ZC3H11A: variants seen among roughly 807,000 people sequenced by gnomAD.
ZC3H11A encodes zinc finger CCCH domain-containing protein 11A.
A neutral mutation model predicts 90.8 loss-of-function variants in ZC3H11A; 22 were observed. That is an observed-to-expected ratio of 0.24 (90% confidence interval 0.17 to 0.35). ZC3H11A has a LOEUF of 0.35. ZC3H11A is among the 10% of genes least tolerant of loss of function. The pLI is 1.00. For missense variants in ZC3H11A, 701 were observed against 964.9 expected, an observed-to-expected ratio of 0.73 and a Z score of 3.62; for synonymous variants, 294 against 339.8, an observed-to-expected ratio of 0.87 and a Z score of 1.48.
chr1:203,796,000 G>GCTCCCGCTCACTTTTCCCATC (rs1668317838), intron 1 of ZC3H11A: 1 of 152,310 alleles, frequency 6.6e-6, no homozygotes, highest in African/African-American at 2.5e-5. Flanking sequence ...GGAGCCCCAG[G>GCTCCCGCTCACTTTTCCCATC]CTCCCGCTCA....
intron 1 of ZC3H11A, chr1:203,799,390 G>A (rs1313429158): frequency 2.8e-6 from 2 of 703,112 alleles, no homozygotes; most frequent in Non-Finnish European, 5.2e-6. Context: ...GTCAAGGCCC[G>A]TCAGATACTG....
intron 12 of ZC3H11A, among the ~76,000 whole-genome samples, chr1:203,842,044 C>T (rs1163940468): frequency 2.0e-5 from 3 of 150,466 alleles, no homozygotes; most frequent in Non-Finnish European, 4.4e-5. Context: ...AGACGATGGG[C>T]GGCCGGGCAG....
At chr1:203,803,257 T>A (rs1671076223) in intron 2 of ZC3H11A, among the ~76,000 whole-genome samples, 1 of 152,146 alleles carries the variant, frequency 6.6e-6, no homozygotes, top group African/African-American at 2.4e-5. Context: ...AATGGTGCCA[T>A]CTTGGCTCAC....
At chr1:203,852,083 T>G in intron 17 of ZC3H11A, 58 bp from the exon 18 acceptor site, 1 of 1,606,048 alleles carries the variant, frequency 6.2e-7, no homozygotes, top group South Asian at 1.1e-5. Flanking sequence ...TGAGACTAGG[T>G]GATTCAGCCA....
intron 1 of ZC3H11A, chr1:203,797,981 CTG>C: frequency 1.3e-6 from 2 of 1,535,216 alleles, no homozygotes; most frequent in South Asian, 1.2e-5. Flanking sequence ...TTTGTAACCT[CTG>C]TGAGAAAAGC....
chr1:203,847,259 G>T lies in ZC3H11A; in HGVS notation c.1118G>T (p.Arg373Leu). 6.2e-7 allele frequency: 1 copy of T among 1,613,858 alleles called. No individual in the cohort carries two copies. Among genetic ancestry groups the T allele is most frequent in the Non-Finnish European group, 8.5e-7 (1 of 1,179,824 alleles). The change falls in exon 13 of 18, where the codon CGT (arginine) becomes CTT (leucine). Residue 373 changes from arginine to leucine, a missense_variant. By Grantham distance (102) the Arg-to-Leu change is moderately radical. Around this residue, in one of 4 missense-constraint regions of ZC3H11A, gnomAD observed 530 missense variants for 696.2 expected, o/e 0.76. Coordinates refer to ENST00000367210, the MANE Select transcript of ZC3H11A (RefSeq NM_001376342.1). Reference sequence around the variant, plus strand: ...CTTCTTGAAAGAGCCAGTCAGAAACGTGGAGAATTGCAAACTAAACTCAAG... The same window carrying T: ...CTTCTTGAAAGAGCCAGTCAGAAACTTGGAGAATTGCAAACTAAACTCAAG... Reference protein sequence around the residue: ...EILLERASQKRGELQTKLKTE... With the variant: ...EILLERASQKLGELQTKLKTE...
chr1:203,818,524 G>A (rs1285882469), intron 3 of ZC3H11A, 46 bp from the exon 4 acceptor site: 1 of 1,611,794 alleles, frequency 6.2e-7, no homozygotes, highest in Admixed American at 1.7e-5. Context: ...TTTTACCTAG[G>A]ATGTATTTCA....
In ZC3H11A at chr1:203,840,296, C is replaced by G. The variant is rs1014276901; in HGVS notation, c.974-10C>G. On this transcript the variant is annotated splice_polypyrimidine_tract_variant and intron_variant, in intron 11 of 17. Transcript: ENST00000367210. ...CAACTTTTGATTTTTGAAAATCTTT[C>G]TTTTCACAGCTCAAGTTTCCAAGTC... The G allele has an allele frequency of 3.7e-6, 6 of 1,611,414 alleles. 1 individual carries two copies. The highest frequency in any genetic ancestry group is 2.5e-6 in the Non-Finnish European group (3 of 1,178,730).
intron 2 of ZC3H11A, among the ~76,000 whole-genome samples, chr1:203,808,362 T>A (rs71643053): frequency 1.3e-5 from 2 of 152,346 alleles, no homozygotes; most frequent in South Asian, 4.1e-4. Flanking sequence ...CCTGAAAGTT[T>A]GTATGATTTT....
chr1:203,832,847 A>G (rs1257681247), intron 9 of ZC3H11A, among the ~76,000 whole-genome samples: 2 of 152,254 alleles, frequency 1.3e-5, no homozygotes. Flanking sequence ...TTCATTCAAC[A>G]TATCAAAGTG....
Position 203,829,839 on chromosome 1 carries a change from G to A in ZC3H11A, c.562G>A (p.Val188Ile). Residue 188 changes from valine to isoleucine, a missense_variant, in exon 7 of 18, where the codon GTT becomes ATT. Physicochemically the swap from Val to Ile is conservative, Grantham distance 29 (BLOSUM62 3). Coordinates refer to ENST00000367210, the MANE Select transcript of ZC3H11A (RefSeq NM_001376342.1). ...ACCTACCCTGCAACCAACTCCTGAAGTTCACAATGGATTACGAGTGACTTC... is the reference window on the plus strand; with the variant it reads ...ACCTACCCTGCAACCAACTCCTGAAATTCACAATGGATTACGAGTGACTTC... ...KTPTLQPTPEVHNGLRVTSVR... is the reference protein window; with the variant it reads ...KTPTLQPTPEIHNGLRVTSVR... 2 of 1,614,144 alleles carry A rather than the reference G, an allele frequency of 1.2e-6. No individual in the cohort carries two copies. Among genetic ancestry groups the A allele is most frequent in the Non-Finnish European group, 1.7e-6 (2 of 1,180,032 alleles).
chr1:203,797,361 C>T, intron 1 of ZC3H11A: 1 of 632,694 alleles, frequency 1.6e-6, no homozygotes, highest in Non-Finnish European at 2.5e-6. Flanking sequence ...GTCAGTTTTC[C>T]TCCAAAAATA....
At chr1:203,800,426 AGTT>A (rs1395979728) in intron 1 of ZC3H11A, 17 of 1,378,882 alleles carry the variant, frequency 1.2e-5, no homozygotes, top group Non-Finnish European at 1.7e-5. Context: ...AGCAGAATGA[AGTT>A]GTTCAAAGCA....
In ZC3H11A at chr1:203,829,674, T is replaced by C. The variant is rs1311732224; in HGVS notation, c.502+20T>C. On this transcript the variant is annotated intron_variant, in intron 6 of 17. Transcript: ENST00000367210. ...ATGATGGTAAGTTCTGTCTGGCTCC[T>C]TCTTTAAGGCAAATAAATAGGGTCT... 1.2e-6 allele frequency: 2 copies of C among 1,614,144 alleles called. No individual in the cohort carries two copies. Among genetic ancestry groups the C allele is most frequent in the Admixed American group, 3.3e-5 (2 of 60,030 alleles).
In ZC3H11A at chr1:203,829,904, G is replaced by A; in HGVS notation, c.619+8G>A. Reference sequence around the variant, plus strand: ...CAGTCAATATAAAGCAAGGTAAGAAGAGGCTAGATTGGTGCCTCTTATAGC... The same window carrying A: ...CAGTCAATATAAAGCAAGGTAAGAAAAGGCTAGATTGGTGCCTCTTATAGC... On this transcript the variant is annotated splice_region_variant and intron_variant, in intron 7 of 17. Transcript: ENST00000367210. 1 of 1,611,652 alleles carries A rather than the reference G, an allele frequency of 6.2e-7. No homozygotes were observed. Among genetic ancestry groups the A allele is most frequent in the Non-Finnish European group, 8.5e-7 (1 of 1,177,762 alleles).
chr1:203,798,029 A>T, intron 1 of ZC3H11A: 1 of 1,534,698 alleles, frequency 6.5e-7, no homozygotes, highest in South Asian at 1.2e-5. Context: ...ATCTTGGTAC[A>T]TCTACTCTTC....
At chr1:203,851,440 C>T (rs1369132213) in intron 17 of ZC3H11A, among the ~76,000 whole-genome samples, 1 of 152,182 alleles carries the variant, frequency 6.6e-6, no homozygotes, top group African/African-American at 2.4e-5. Context: ...AGCAATTCTC[C>T]TGCCTCAGCT....
intron 1 of ZC3H11A, chr1:203,797,570 C>A (rs1180959279): frequency 1.6e-5 from 24 of 1,531,422 alleles, no homozygotes; most frequent in Non-Finnish European, 1.9e-5. Context: ...TCTCTCCTGG[C>A]AGAAGATGCA....
Position 203,841,581 on chromosome 1 carries a change from ATC to A in ZC3H11A, c.1042+1213_1042+1214del, listed in dbSNP as rs768153052. On this transcript the variant is annotated intron_variant, in intron 12 of 17. Transcript: ENST00000367210. ...TCTACACAGACACAGTAACAATCTG[ATC>A]TCTCTTTCTTTTCCCCACATTTCCC... Among the ~76,000 whole-genome samples the A allele has an allele frequency of 2.6e-3, 400 of 152,320 alleles. 2 individuals are homozygous for A. Among genetic ancestry groups the A allele is most frequent in the Admixed American group, 5.2e-3 (80 of 15,296 alleles).
Sources: allele counts gnomAD v4.1 joint callset (sites outside exome capture counted in the v4.1 genomes callset), GRCh38; gene constraint gnomAD v4.1.1; regional missense constraint gnomAD v4.1.1; transcripts MANE v1.5; gene names NCBI Gene and HGNC (gene_info 2026-07-23, HGNC 2026-07-21).